Variants in SDF4 observed in about 807,000 individuals in gnomAD.
SDF4 encodes the protein 45 kDa calcium-binding protein.
SDF4 carries 22 observed loss-of-function variants against 34.2 expected under a neutral mutation model. That is an observed-to-expected ratio of 0.64 (90% CI 0.46 to 0.92). The LOEUF (loss-of-function observed/expected upper bound fraction) is 0.92, where lower values mean the gene tolerates loss of function less well. Ranked by LOEUF, SDF4 falls within the 40% of genes least tolerant of loss-of-function variation. The pLI, the probability that SDF4 is intolerant of heterozygous loss-of-function variation, is 0.00. For missense variants in SDF4, 447 were observed against 499.9 expected (o/e 0.89, Z 1.01); for synonymous variants, 236 against 203.1 (o/e 1.16, Z -1.38).
chr1:1,230,064 T>A (rs1458335258), intron 1 of SDF4, among the ~76,000 whole-genome samples: 1 of 152,268 alleles, frequency 6.6e-6, no homozygotes, highest in East Asian at 1.9e-4. Context: ...ATGCCTCATG[T>A]ATCCCAAAGG....
Position 1,217,530 on chromosome 1 carries a change from G to A in SDF4, c.1050C>T (p.Ser350=), listed in dbSNP as rs1466959986. ...CGGGCGCTCAAAACTCCTCGTGCACGCTGCGCGCGTAGTCCACCAGCTTGC... is the reference window on the plus strand; with the variant it reads ...CGGGCGCTCAAAACTCCTCGTGCACACTGCGCGCGTAGTCCACCAGCTTGC... The part of the protein sequence containing the change: ...TGSKLVDYAR[S]VHEEF Residue 350 remains serine, a synonymous_variant, in exon 7 of 7, where the codon AGC becomes AGT. Transcript: ENST00000360001. The surrounding 1 kb of genome is among the most constrained non-coding windows in gnomAD (Gnocchi z 8.5). 61 of 1,607,974 alleles carry A rather than the reference G, an allele frequency of 3.8e-5. No homozygotes were observed. Among genetic ancestry groups the A allele is most frequent in the Non-Finnish European group, 4.9e-5 (58 of 1,176,656 alleles).
Position 1,217,447 on chromosome 1 carries a change from C to A in SDF4, c.*65G>T. The A allele has an allele frequency of 1.5e-6, 2 of 1,333,814 alleles. No homozygotes were observed. Among genetic ancestry groups the A allele is most frequent in the Non-Finnish European group, 1.9e-6 (2 of 1,030,770 alleles). 82.6% of individuals were successfully genotyped at this position (1,333,814 alleles called of 1,614,324 possible). ...GGTGGGGTCCGGGACAGCCACGGAG[C>A]CCGGAGTCACCCGCGAGGCCGCCCC... On this transcript the variant is annotated 3_prime_UTR_variant, in exon 7 of 7. Coordinates refer to ENST00000360001, the MANE Select transcript of SDF4 (RefSeq NM_016176.6). This position sits in a 1 kb window ranked among gnomAD's most constrained non-coding sequence, Gnocchi z 8.5.
At chr1:1,229,773 C>T (rs967963836) in intron 1 of SDF4, among the ~76,000 whole-genome samples, 1 of 152,208 alleles carries the variant, frequency 6.6e-6, no homozygotes, top group Non-Finnish European at 1.5e-5. Context: ...CAGCTTCTCA[C>T]TAAGAAACAG....
intron 3 of SDF4, 46 bp downstream of exon 3, chr1:1,223,786 G>GCCCCC: frequency 6.8e-6 from 4 of 585,240 alleles, no homozygotes; most frequent in South Asian, 2.1e-5. Context: ...CCATGGCCCT[G>GCCCCC]CCCGCCCCGC....
rs773049955 is a variant in SDF4 at position 1,217,560 on chromosome 1, C to T, written c.1020G>A (p.Thr340=). 4.5e-5 allele frequency: 73 copies of T among 1,613,104 alleles called. No homozygotes were observed. The highest frequency in any genetic ancestry group is 1.7e-4 in the Admixed American group (10 of 59,994). ...EEVLKYSEFF[T]GSKLVDYARS... The stretch of plus-strand genomic sequence containing the variant: ...GCGCGTAGTCCACCAGCTTGCTGCC[C>T]GTGAAGAACTCGCTGTACTTGAGCA... Residue 340 remains threonine, a synonymous_variant, in exon 7 of 7, where the codon ACG becomes ACA. Coordinates refer to ENST00000360001, the MANE Select transcript of SDF4 (RefSeq NM_016176.6). The surrounding 1 kb of genome is among the most constrained non-coding windows in gnomAD (Gnocchi z 8.5).
chr1:1,221,188 AG>A (rs1348762762), intron 4 of SDF4: 1 of 192,384 alleles, frequency 5.2e-6, no homozygotes, highest in African/African-American at 2.3e-5. Context: ...CAGAGCCAAC[AG>A]GCTCAAAAGT....
chr1:1,226,565 T>G (rs1420506543), intron 2 of SDF4, among the ~76,000 whole-genome samples: 1 of 152,060 alleles, frequency 6.6e-6, no homozygotes, highest in African/African-American at 2.4e-5. Context: ...TGAGTGAACG[T>G]GGGTCCTGGA....
intron 4 of SDF4, chr1:1,220,775 A>T: frequency 7.8e-7 from 1 of 1,288,514 alleles, no homozygotes; most frequent in Non-Finnish European, 1.0e-6. Flanking sequence ...GGAAAGACAG[A>T]CACAATCAGA....
At chr1:1,221,406 T>C (rs1649950175) in intron 4 of SDF4, 1 of 152,644 alleles carries the variant, frequency 6.6e-6, no homozygotes, top group Non-Finnish European at 1.5e-5. Context: ...AAAATATATG[T>C]TTTTGAATCA....
In SDF4 at chr1:1,217,922, C is replaced by T. The variant is rs890386600; in HGVS notation, c.892-234G>A. On this transcript the variant is annotated intron_variant, in intron 6 of 6. Coordinates refer to ENST00000360001, the MANE Select transcript of SDF4 (RefSeq NM_016176.6). This position sits in a 1 kb window ranked among gnomAD's most constrained non-coding sequence, Gnocchi z 8.5. ...TAACGGGGCACAGGGGCTACACAGG[C>T]CTGGACCCCAGTTCTGAAGGATCCC... The T allele has an allele frequency of 4.3e-6, 5 of 1,152,610 alleles. No individual in the cohort carries two copies. The Admixed American group carries it at 9.3e-5, about 21-fold the overall frequency. The allele number at this position is 1,152,610 out of a possible 1,614,324, so 71.4% of individuals were successfully genotyped here. A position where few individuals can be genotyped will look rare whatever the true frequency, so the allele number is the denominator to read the frequency against.
In SDF4 at chr1:1,217,459, C is replaced by A. The variant is rs554137362; in HGVS notation, c.*53G>T. ...GACAGCCACGGAGCCCGGAGTCACC[C>A]GCGAGGCCGCCCCGGTGGTGCGTGG... On this transcript the variant is annotated 3_prime_UTR_variant, in exon 7 of 7. Coordinates refer to ENST00000360001, the MANE Select transcript of SDF4 (RefSeq NM_016176.6). This position sits in a 1 kb window ranked among gnomAD's most constrained non-coding sequence, Gnocchi z 8.5. 27 of 1,375,540 alleles carry A rather than the reference C, an allele frequency of 2.0e-5. No individual in the cohort carries two copies. In the South Asian group the frequency reaches 3.8e-4, roughly 20 times the overall value. 85.2% of individuals were successfully genotyped at this position (1,375,540 alleles called of 1,614,324 possible). A position where few individuals can be genotyped will look rare whatever the true frequency, so the allele number is the denominator to read the frequency against.
chr1:1,229,963 G>A (rs930268308), intron 1 of SDF4, among the ~76,000 whole-genome samples: 10 of 152,334 alleles, frequency 6.6e-5, no homozygotes, highest in African/African-American at 1.9e-4. Flanking sequence ...CCACACTCGC[G>A]AGCGAACGCC....
intron 2 of SDF4, 78 bp downstream of exon 2, chr1:1,228,390 C>T: frequency 6.9e-7 from 1 of 1,441,956 alleles, no homozygotes; most frequent in Admixed American, 2.4e-5. Flanking sequence ...GCGCCCCCCA[C>T]CGCGCAAAGC....
intron 2 of SDF4, among the ~76,000 whole-genome samples, chr1:1,227,690 G>A (rs976596384): frequency 6.6e-6 from 1 of 152,206 alleles, no homozygotes; most frequent in Non-Finnish European, 1.5e-5. Context: ...ACACCGCAGG[G>A]CACCCCGGCC....
chr1:1,219,111 C>A, intron 4 of SDF4, 184 bp from the exon 5 acceptor site: 1 of 1,518,222 alleles, frequency 6.6e-7, no homozygotes, highest in Non-Finnish European at 8.8e-7. Context: ...TGGACCCCCG[C>A]CAAGACATAA....
intron 2 of SDF4, 130 bp downstream of exon 2, chr1:1,228,338 C>T (rs1638376205): frequency 8.6e-6 from 9 of 1,040,790 alleles, no homozygotes; most frequent in East Asian, 2.6e-5. Context: ...CGCTCATCAC[C>T]GGCACGTCTT....
intron 4 of SDF4, chr1:1,219,459 T>A: frequency 9.9e-7 from 1 of 1,005,206 alleles, no homozygotes; most frequent in Non-Finnish European, 1.2e-6. Flanking sequence ...CCCTGAAGGC[T>A]GACGTGCGCA....
Position 1,230,014 on chromosome 1 carries a change from G to A in SDF4, c.-174-1068C>T, listed in dbSNP as rs189122810. 2.6e-5 allele frequency among the ~76,000 whole-genome samples: 4 copies of A among 152,366 alleles called. No homozygotes were observed. In the East Asian group the frequency reaches 5.8e-4, roughly 22 times the overall value. On this transcript the variant is annotated intron_variant, in intron 1 of 6. Coordinates refer to ENST00000360001, the MANE Select transcript of SDF4 (RefSeq NM_016176.6). Reference sequence around the variant, plus strand: ...AGAAGTCTGTCCTGCCGTCCGAGGCGTGGCCAGTCCTGGTGGGAAGCAGGG... The same window carrying A: ...AGAAGTCTGTCCTGCCGTCCGAGGCATGGCCAGTCCTGGTGGGAAGCAGGG...
chr1:1,231,085 C>T (rs1432801736), intron 1 of SDF4, among the ~76,000 whole-genome samples: 1 of 152,228 alleles, frequency 6.6e-6, no homozygotes, highest in Admixed American at 6.5e-5. Context: ...AAGATAAGAC[C>T]CTGTCTCGAA....
Sources: gnomAD v4.1 joint callset for allele counts (sites outside exome capture counted in the v4.1 genomes callset) on GRCh38, gnomAD v4.1.1 for gene constraint, Gnocchi (gnomAD v3.1) non-coding constraint, MANE v1.5 for transcripts, NCBI Gene and HGNC (gene_info 2026-07-23, HGNC 2026-07-21) for gene names.